The following DLG2 variants were observed in gnomAD, a reference collection of about 807,000 sequenced individuals.
DLG2 encodes discs large MAGUK scaffold protein 2.
DLG2 carries 45 observed loss-of-function variants against 132.5 expected under a neutral mutation model. The ratio of observed to expected loss-of-function variants is 0.34; its 90% confidence interval spans 0.27 to 0.44. DLG2 has a LOEUF of 0.44. Ranked by LOEUF, DLG2 falls within the 20% of genes least tolerant of loss-of-function variation. The pLI is 1.00. For missense variants in DLG2, 1,045 were observed against 1,196.9 expected, an observed-to-expected ratio of 0.87 and a Z score of 1.87; for synonymous variants, 424 against 419.6, an observed-to-expected ratio of 1.01 and a Z score of -0.13.
intron 3 of DLG2, among the ~76,000 whole-genome samples, chr11:85,499,422 A>G (rs933452827): frequency 5.9e-5 from 9 of 152,222 alleles, no homozygotes; most frequent in Non-Finnish European, 1.2e-4. Flanking sequence ...GAATAGACCA[A>G]TAATAGGTTC....
At chr11:85,432,416 G>T (rs889056909) in intron 3 of DLG2, among the ~76,000 whole-genome samples, 1 of 152,028 alleles carries the variant, frequency 6.6e-6, no homozygotes, top group Admixed American at 6.6e-5. Context: ...CATGTTCTTG[G>T]CAAAGAAGCT....
intron 4 of DLG2, among the ~76,000 whole-genome samples, chr11:85,165,315 G>A (rs1342535095): frequency 1.3e-5 from 2 of 152,280 alleles, no homozygotes; most frequent in South Asian, 4.1e-4. Context: ...GGAGGCCATT[G>A]TTTTGGACTG....
chr11:85,414,491 G>C (rs905084357), intron 3 of DLG2, among the ~76,000 whole-genome samples: 1 of 151,882 alleles, frequency 6.6e-6, no homozygotes, highest in Non-Finnish European at 1.5e-5. Context: ...TCGTAAATTT[G>C]TTGAGGCTCA....
intron 22 of DLG2, chr11:83,480,676 C>A: frequency 1.3e-6 from 2 of 1,504,908 alleles, no homozygotes; most frequent in South Asian, 2.4e-5. Flanking sequence ...TGCATAATGT[C>A]AATTTAGGCG....
At chr11:84,429,182 C>A (rs1194776862) in intron 7 of DLG2, among the ~76,000 whole-genome samples, 1 of 152,182 alleles carries the variant, frequency 6.6e-6, no homozygotes, top group Non-Finnish European at 1.5e-5. Context: ...TGTGTATAGT[C>A]ATTTGGCATA....
intron 3 of DLG2, among the ~76,000 whole-genome samples, chr11:85,325,079 C>T (rs1275141265): frequency 1.5e-4 from 20 of 137,780 alleles, no homozygotes; most frequent in East Asian, 2.2e-4. Context: ...TAAGAAACGG[C>T]GCACCACGAG....
intron 9 of DLG2, among the ~76,000 whole-genome samples, chr11:84,132,437 C>G (rs1419865147): frequency 6.6e-6 from 1 of 151,918 alleles, no homozygotes; most frequent in Non-Finnish European, 1.5e-5. Flanking sequence ...AGTCTCCTCA[C>G]CTTCTCAGTT....
At chr11:85,405,023 G>A (rs1057399058) in intron 3 of DLG2, among the ~76,000 whole-genome samples, 9 of 151,854 alleles carry the variant, frequency 5.9e-5, no homozygotes, top group Non-Finnish European at 1.2e-4. Flanking sequence ...CAAGAGTGGT[G>A]GAAGAGGAAA....
chr11:84,845,224 A>G (rs2081305858), intron 6 of DLG2, among the ~76,000 whole-genome samples: 1 of 152,146 alleles, frequency 6.6e-6, no homozygotes, highest in Non-Finnish European at 1.5e-5. Context: ...TATCCAATTT[A>G]TCTCCCATGT....
intron 4 of DLG2, among the ~76,000 whole-genome samples, chr11:85,282,072 G>C (rs2078264045): frequency 6.6e-6 from 1 of 151,840 alleles, no homozygotes; most frequent in South Asian, 2.1e-4. Flanking sequence ...CAACAACATG[G>C]ATGGAATTGA....
chr11:84,006,817 C>T (rs1195894849), intron 11 of DLG2, among the ~76,000 whole-genome samples: 2 of 151,092 alleles, frequency 1.3e-5, no homozygotes, highest in Non-Finnish European at 3.0e-5. Context: ...AGACTTTTTC[C>T]CTCAATTTTC....
In DLG2 at chr11:85,589,417, G is replaced by C. The variant is rs1490058821; in HGVS notation, c.40+9240C>G. ...TCAGGTTTCTCAAGTAATGGGCGGG[G>C]TCATAAAGCTCCCAAAAGTTTATGT... On this transcript the variant is annotated intron_variant, in intron 3 of 27. Coordinates refer to ENST00000376104, the MANE Select transcript of DLG2 (RefSeq NM_001142699.3). Among the ~76,000 whole-genome samples, 5 of 152,232 alleles carry C rather than the reference G, an allele frequency of 3.3e-5. No homozygotes were observed. The East Asian group carries it at 9.7e-4, about 29-fold the overall frequency.
intron 6 of DLG2, among the ~76,000 whole-genome samples, chr11:84,873,131 A>T (rs1278783181): frequency 2.0e-5 from 3 of 152,228 alleles, no homozygotes; most frequent in African/African-American, 7.2e-5. Context: ...GGAGCTTAAC[A>T]TGGGAAGATT....
At chr11:85,542,431 G>C (rs1455250025) in intron 3 of DLG2, among the ~76,000 whole-genome samples, 3 of 152,112 alleles carry the variant, frequency 2.0e-5, no homozygotes, top group African/African-American at 7.2e-5. Context: ...CAAAGGATCT[G>C]GGAATCCTTT....
At chr11:84,641,494 A>G (rs2099664850) in intron 6 of DLG2, among the ~76,000 whole-genome samples, 1 of 152,144 alleles carries the variant, frequency 6.6e-6, no homozygotes, top group African/African-American at 2.4e-5. Context: ...AACAAGCTCA[A>G]AGCCTAATGA....
intron 4 of DLG2, among the ~76,000 whole-genome samples, chr11:85,217,367 G>A (rs1429987656): frequency 1.3e-5 from 2 of 148,234 alleles, no homozygotes; most frequent in African/African-American, 5.0e-5. Context: ...CATGCACACA[G>A]AGTCAATTAT....
chr11:85,172,447 A>G (rs1223430512), intron 4 of DLG2, among the ~76,000 whole-genome samples: 5 of 152,234 alleles, frequency 3.3e-5, no homozygotes, highest in African/African-American at 1.2e-4. Flanking sequence ...GACCCCACAA[A>G]AACCCCATTC....
At chr11:83,718,574 A>T (rs1038940715) in intron 18 of DLG2, among the ~76,000 whole-genome samples, 1 of 150,876 alleles carries the variant, frequency 6.6e-6, no homozygotes, top group African/African-American at 2.4e-5. Flanking sequence ...GAAATATCCC[A>T]TGTTATGGAA....
intron 2 of DLG2, among the ~76,000 whole-genome samples, chr11:85,608,488 G>C (rs1259672248): frequency 6.6e-6 from 1 of 152,130 alleles, no homozygotes; most frequent in African/African-American, 2.4e-5. Context: ...TTCATTGAAG[G>C]AGAATACATA....
Sources: gnomAD v4.1 joint callset for allele counts (sites outside exome capture counted in the v4.1 genomes callset) on GRCh38, gnomAD v4.1.1 for gene constraint, MANE v1.5 for transcripts, NCBI Gene and HGNC (gene_info 2026-07-23, HGNC 2026-07-21) for gene names.